RIMS1: variants seen among roughly 807,000 people sequenced by gnomAD.
RIMS1 encodes regulating synaptic membrane exocytosis 1.
A neutral mutation model predicts 214.1 loss-of-function variants in RIMS1; 83 were observed. The ratio of observed to expected loss-of-function variants is 0.39; its 90% CI spans 0.32 to 0.47. The LOEUF is 0.47. RIMS1 is among the 20% of genes least tolerant of loss of function. RIMS1 has a pLI of 0.99. For missense variants in RIMS1, 2,050 were observed against 2,161.8 expected (o/e 0.95, Z 1.03); for synonymous variants, 793 against 786.8 (o/e 1.01, Z -0.13).
intron 2 of RIMS1, among the ~76,000 whole-genome samples, chr6:72,037,847 A>G (rs1428374447): frequency 6.6e-6 from 1 of 151,708 alleles, no homozygotes; most frequent in Non-Finnish European, 1.5e-5. Flanking sequence ...GCCTCAAATG[A>G]AATGAAGCTG....
intron 6 of RIMS1, among the ~76,000 whole-genome samples, chr6:72,221,842 A>T (rs918356811): frequency 2.6e-5 from 4 of 152,002 alleles, no homozygotes; most frequent in African/African-American, 9.7e-5. Flanking sequence ...TCTCCAGCTC[A>T]ATCCTGCTGT....
At chr6:72,334,431 G>A (rs2154343372) in intron 29 of RIMS1, among the ~76,000 whole-genome samples, 1 of 151,874 alleles carries the variant, frequency 6.6e-6, no homozygotes, top group African/African-American at 2.4e-5. Flanking sequence ...AAATTTAAAA[G>A]CTTAATGTCC....
At chr6:72,264,001 A>T (rs998469486) in intron 19 of RIMS1, 1 of 708,312 alleles carries the variant, frequency 1.4e-6, no homozygotes, top group African/African-American at 1.9e-5. Context: ...CTCAAAAAAG[A>T]AAAGAAAAGA....
Position 72,123,622 on chromosome 6 carries a change from T to C in RIMS1, c.471+23636T>C, listed in dbSNP as rs536071534. 5.5e-4 allele frequency among the ~76,000 whole-genome samples: 83 copies of C among 151,998 alleles called. 1 individual carries two copies. Among genetic ancestry groups the C allele is most frequent in the African/African-American group, 1.9e-3 (79 of 41,514 alleles). On this transcript the variant is annotated intron_variant, in intron 4 of 33. Coordinates refer to ENST00000521978, the MANE Select transcript of RIMS1 (RefSeq NM_014989.7). Reference sequence around the variant, plus strand: ...GAGGGAGTCTAAGTCTCTTTGTAGGTCTCTAAGGACTTGCCTTATGAATCT... The same window carrying C: ...GAGGGAGTCTAAGTCTCTTTGTAGGCCTCTAAGGACTTGCCTTATGAATCT...
intron 2 of RIMS1, among the ~76,000 whole-genome samples, chr6:71,992,576 TTCC>T (rs1242628997): frequency 1.4e-5 from 2 of 147,228 alleles, no homozygotes; most frequent in Admixed American, 6.9e-5. Context: ...CTTCTTCTTC[TTCC>T]TCTTCTCCTT....
chr6:71,921,613 C>T (rs1039271633), intron 1 of RIMS1, among the ~76,000 whole-genome samples: 1 of 152,146 alleles, frequency 6.6e-6, no homozygotes, highest in Non-Finnish European at 1.5e-5. Context: ...ACTGAATTAG[C>T]AAGCATTAAA....
At chr6:72,077,214 C>A (rs1023282605) in intron 2 of RIMS1, among the ~76,000 whole-genome samples, 2 of 152,194 alleles carry the variant, frequency 1.3e-5, no homozygotes, top group African/African-American at 4.8e-5. Context: ...CCATGTCCTA[C>A]CCCTAGCCAG....
chr6:72,145,061 T>C (rs1234895209), intron 4 of RIMS1, among the ~76,000 whole-genome samples: 1 of 152,106 alleles, frequency 6.6e-6, no homozygotes, highest in Non-Finnish European at 1.5e-5. Context: ...CAAATCATAA[T>C]AGAACTGAGT....
At chr6:72,122,161 T>G (rs979410697) in intron 4 of RIMS1, among the ~76,000 whole-genome samples, 2 of 151,496 alleles carry the variant, frequency 1.3e-5, no homozygotes, top group African/African-American at 4.8e-5. Context: ...AGGATGTTGC[T>G]GGCCTCATAA....
intron 2 of RIMS1, among the ~76,000 whole-genome samples, chr6:72,003,363 A>T (rs1806028305): frequency 6.6e-6 from 1 of 152,048 alleles, no homozygotes; most frequent in Non-Finnish European, 1.5e-5. Flanking sequence ...TAGGGCAGTG[A>T]TCATGACTGT....
intron 2 of RIMS1, among the ~76,000 whole-genome samples, chr6:72,061,244 T>A (rs1008649777): frequency 6.6e-6 from 1 of 152,218 alleles, no homozygotes; most frequent in Non-Finnish European, 1.5e-5. Context: ...GACATTATAA[T>A]ACTATCATAT....
chr6:72,279,430 C>A (rs1004574163), intron 23 of RIMS1, among the ~76,000 whole-genome samples: 3 of 151,874 alleles, frequency 2.0e-5, no homozygotes, highest in African/African-American at 7.2e-5. Flanking sequence ...AAAAGAATTT[C>A]TTTAGTACAT....
intron 4 of RIMS1, among the ~76,000 whole-genome samples, chr6:72,146,652 G>T (rs760886004): frequency 7.9e-5 from 12 of 152,068 alleles, no homozygotes; most frequent in Non-Finnish European, 1.6e-4. Context: ...TCTTTTACAA[G>T]ATTAATTTTT....
intron 2 of RIMS1, among the ~76,000 whole-genome samples, chr6:72,032,686 G>A (rs1421627641): frequency 6.6e-6 from 1 of 152,132 alleles, no homozygotes; most frequent in Non-Finnish European, 1.5e-5. Context: ...AGCAGACCAC[G>A]GAAGAGTGGT....
chr6:72,103,899 A>C (rs1276490746), intron 4 of RIMS1, among the ~76,000 whole-genome samples: 3 of 152,142 alleles, frequency 2.0e-5, no homozygotes, highest in African/African-American at 7.2e-5. Flanking sequence ...AAAATTATCA[A>C]ACTTGTTTGA....
chr6:72,199,428 G>C (rs532270390), intron 6 of RIMS1, among the ~76,000 whole-genome samples: 45 of 152,146 alleles, frequency 3.0e-4, no homozygotes, highest in Non-Finnish European at 5.2e-4. Flanking sequence ...AGGGTATTTA[G>C]ATGTAATGAT....
At chr6:72,329,718 C>A (rs1401326003) in intron 28 of RIMS1, among the ~76,000 whole-genome samples, 1 of 151,620 alleles carries the variant, frequency 6.6e-6, no homozygotes, top group East Asian at 1.9e-4. Context: ...GCCAGAAAAC[C>A]AATTTGGTTG....
intron 1 of RIMS1, among the ~76,000 whole-genome samples, chr6:71,937,553 A>G (rs1217451758): frequency 6.6e-6 from 1 of 152,148 alleles, no homozygotes; most frequent in Middle Eastern, 3.2e-3. Context: ...ACACCTGGCC[A>G]GAGGTGGGAA....
chr6:72,007,579 C>G (rs1046960333), intron 2 of RIMS1, among the ~76,000 whole-genome samples: 2 of 152,072 alleles, frequency 1.3e-5, no homozygotes, highest in African/African-American at 4.8e-5. Context: ...ACCTTGAAAA[C>G]AGATTAGACG....
Sources: allele counts gnomAD v4.1 joint callset (sites outside exome capture counted in the v4.1 genomes callset), GRCh38; gene constraint gnomAD v4.1.1; transcripts MANE v1.5; gene names NCBI Gene and HGNC (gene_info 2026-07-23, HGNC 2026-07-21).